DCAF6: variants seen among roughly 807,000 people sequenced by gnomAD.
The protein encoded by DCAF6 is DDB1- and CUL4-associated factor 6.
Under a neutral mutation model 125.1 loss-of-function variants are expected in DCAF6, and 54 were observed. That is an observed-to-expected ratio of 0.43 (90% CI 0.35 to 0.54). The LOEUF is 0.54. Among genes scored for constraint, DCAF6 ranks in the 20% least tolerant of loss-of-function variants. The pLI, the probability that DCAF6 is intolerant of heterozygous loss-of-function variation, is 0.01. For missense variants in DCAF6, 934 were observed against 1,161.7 expected (o/e 0.80, Z 2.85); for synonymous variants, 371 against 390.4 (o/e 0.95, Z 0.58).
rs1297380153 is a variant in DCAF6 at position 168,015,878 on chromosome 1, A to T, written c.1476A>T (p.Ala492=). 6.5e-7 allele frequency: 1 copy of T among 1,544,852 alleles called. No homozygotes were observed. Among genetic ancestry groups the T allele is most frequent in the Admixed American group, 2.0e-5 (1 of 50,302 alleles). Residue 492 remains alanine, a synonymous_variant, in exon 11 of 22, where the codon GCA becomes GCT. Transcript: ENST00000367840. ...AEQQRQQELA[A]HTQQQPSTSD... ...AGCAGAGGCAGCAAGAGCTAGCTGC[A>T]CATACCCAGCAACAGCCTTCCACTT...
At chr1:167,890,148 T>C in the DCAF6 span, among the ~76,000 whole-genome samples, 3 of 152,182 alleles carry the variant, frequency 2.0e-5, no homozygotes, top group Admixed American at 6.5e-5. Flanking sequence ...ATTGAAGAGT[T>C]AGGTATTTAT....
Position 167,991,244 on chromosome 1 carries a change from C to T in DCAF6, c.593C>T (p.Ala198Val). ...TGTCGACGTGCTGCCACGTCTGTTG[C>T]TATTTGCCCACCAATACCATATTAC... The part of the protein sequence containing the change: ...INCRRAATSV[A>V]ICPPIPYYLA... The change falls in exon 6 of 22, where the codon GCT becomes GTT. Residue 198 changes from alanine to valine, a missense_variant. Around this residue, in one of 5 missense-constraint regions of DCAF6, gnomAD observed 309 missense variants for 381.2 expected, o/e 0.81. Transcript: ENST00000367840. The T allele has an allele frequency of 1.2e-6, 2 of 1,612,728 alleles. No homozygotes were observed. The highest frequency in any genetic ancestry group is 2.2e-5 in the East Asian group (1 of 44,816).
intron 13 of DCAF6, among the ~76,000 whole-genome samples, chr1:168,040,488 A>T (rs3180857): frequency 7.1e-6 from 1 of 140,682 alleles, no homozygotes; most frequent in African/African-American, 2.7e-5. Flanking sequence ...GAGGTGGTTT[A>T]AAAAAAAAAA....
chr1:167,899,578 T>C, the DCAF6 span: 5 of 1,614,082 alleles, frequency 3.1e-6, no homozygotes, highest in African/African-American at 2.7e-5. Context: ...AGAAAGTGGC[T>C]GTGTGTTTCA....
intron 10 of DCAF6, 31 bp downstream of exon 10, chr1:168,004,824 T>G: frequency 2.5e-6 from 4 of 1,588,318 alleles, no homozygotes; most frequent in Non-Finnish European, 3.4e-6. Context: ...GTTCATCTAA[T>G]GATTTTTGAT....
chr1:167,925,448 T>TATATATAC, the DCAF6 span, among the ~76,000 whole-genome samples: 578 of 103,210 alleles, frequency 5.6e-3, 7 homozygotes, highest in Non-Finnish European at 7.7e-3. Flanking sequence ...TACACATATA[T>TATATATAC]ATATATATAT....
At chr1:168,047,750 TAGAA>T (rs1374736361) in intron 16 of DCAF6, among the ~76,000 whole-genome samples, 3 of 152,030 alleles carry the variant, frequency 2.0e-5, no homozygotes, top group Non-Finnish European at 4.4e-5. Flanking sequence ...CTGAGGTAAT[TAGAA>T]AGTGATTAGA....
chr1:167,972,296 C>T (rs1343305207), intron 3 of DCAF6, among the ~76,000 whole-genome samples: 2 of 152,234 alleles, frequency 1.3e-5, no homozygotes, highest in African/African-American at 4.8e-5. Context: ...TTCTAACCTT[C>T]ATTGAAATTA....
At chr1:168,044,870 C>G in intron 15 of DCAF6, 30 bp from the exon 16 acceptor site, 3 of 1,603,018 alleles carry the variant, frequency 1.9e-6, no homozygotes, top group Non-Finnish European at 2.6e-6. Flanking sequence ...CACATTACCA[C>G]CTGTTACATA....
chr1:167,953,961 G>A (rs1387531525), intron 2 of DCAF6, among the ~76,000 whole-genome samples: 4 of 152,024 alleles, frequency 2.6e-5, no homozygotes, highest in Admixed American at 6.6e-5. Flanking sequence ...TTGGTGATCT[G>A]AGTGGATACA....
At chr1:167,950,410 A>C (rs1444531155) in intron 1 of DCAF6, among the ~76,000 whole-genome samples, 1 of 152,186 alleles carries the variant, frequency 6.6e-6, no homozygotes, top group Non-Finnish European at 1.5e-5. Flanking sequence ...CATGTTACTG[A>C]ATTTCTCTAG....
the DCAF6 span, among the ~76,000 whole-genome samples, chr1:167,881,551 T>G: frequency 6.6e-6 from 1 of 152,232 alleles, no homozygotes; most frequent in Non-Finnish European, 1.5e-5. Flanking sequence ...AGCTTTTGCC[T>G]GCAAATTTAT....
chr1:167,989,378 C>T lies in DCAF6; in HGVS notation c.552+1770C>T, dbSNP rs966049270. 2.6e-5 allele frequency among the ~76,000 whole-genome samples: 4 copies of T among 152,172 alleles called. No homozygotes were observed. The East Asian group carries it at 5.8e-4, about 22-fold the overall frequency. The stretch of plus-strand genomic sequence containing the variant: ...AAATAAGAAAACAAATCTGATAAGA[C>T]GTGAAAGTAGTCTTTCCTTAGTAAA... On this transcript the variant is annotated intron_variant, in intron 5 of 21. Transcript: ENST00000367840.
chr1:167,980,404 T>C lies in DCAF6; in HGVS notation c.438+5389T>C, dbSNP rs533423875. 2.0e-5 allele frequency among the ~76,000 whole-genome samples: 3 copies of C among 149,024 alleles called. No homozygotes were observed. In the South Asian group the frequency reaches 6.2e-4, roughly 31 times the overall value. On this transcript the variant is annotated intron_variant, in intron 4 of 21. Coordinates refer to ENST00000367840, the MANE Select transcript of DCAF6 (RefSeq NM_001198956.2). ...GTTTTTGAGGACCCTCCATACTATT[T>C]TCCATAGCAGCTCCACTATTTTACA...
intron 12 of DCAF6, among the ~76,000 whole-genome samples, chr1:168,025,790 T>C (rs1686263517): frequency 6.6e-6 from 1 of 152,180 alleles, no homozygotes. Flanking sequence ...AAGATGTAAA[T>C]ATAATCATGT....
At chr1:167,924,156 A>T in the DCAF6 span, among the ~76,000 whole-genome samples, 1 of 152,196 alleles carries the variant, frequency 6.6e-6, no homozygotes, top group African/African-American at 2.4e-5. Context: ...TTCTCATACT[A>T]AATTAATAAT....
chr1:167,893,122 A>G, the DCAF6 span, among the ~76,000 whole-genome samples: 1 of 152,224 alleles, frequency 6.6e-6, no homozygotes, highest in African/African-American at 2.4e-5. Flanking sequence ...TGGAGGGTGG[A>G]GGTAGCTCAG....
the DCAF6 span, among the ~76,000 whole-genome samples, chr1:167,915,234 A>C: frequency 2.6e-5 from 4 of 152,200 alleles, no homozygotes; most frequent in African/African-American, 9.6e-5. Flanking sequence ...TTTCCTTAAA[A>C]GAGATGCCAT....
At chr1:167,871,073 T>C in the DCAF6 span, among the ~76,000 whole-genome samples, 33 of 152,232 alleles carry the variant, frequency 2.2e-4, no homozygotes, top group African/African-American at 7.5e-4. Flanking sequence ...GCTTGTTTTT[T>C]TTTGTTTTTT....
Sources: gnomAD v4.1 joint callset for allele counts (sites outside exome capture counted in the v4.1 genomes callset) on GRCh38, gnomAD v4.1.1 for gene constraint, gnomAD v4.1.1 regional missense constraint, MANE v1.5 for transcripts, NCBI Gene and HGNC (gene_info 2026-07-23, HGNC 2026-07-21) for gene names.